Variants in AK7 observed in about 807,000 individuals in gnomAD.
AK7 encodes adenylate kinase 7.
AK7 carries 78 observed loss-of-function variants against 96.6 expected under a neutral mutation model. That is an observed-to-expected ratio of 0.81 (90% CI 0.67 to 0.97). AK7 has a LOEUF of 0.97. Among genes scored for constraint, AK7 ranks in the 50% least tolerant of loss-of-function variants. The probability of loss-of-function intolerance (pLI) is 0.00; values close to 1 mark genes in which losing one functional copy is unlikely to be tolerated. For synonymous variants in AK7, 302 were observed against 317.2 expected (o/e 0.95, Z 0.51); for missense variants, 855 against 887.9 (o/e 0.96, Z 0.47).
At chr14:96,436,709 A>C (rs1892656166) in intron 5 of AK7, among the ~76,000 whole-genome samples, 1 of 152,134 alleles carries the variant, frequency 6.6e-6, no homozygotes, top group African/African-American at 2.4e-5. Context: ...TGTTCGCCTG[A>C]AGAAGTTCAA....
chr14:96,469,967 G>A (rs1894794950), intron 12 of AK7, among the ~76,000 whole-genome samples: 1 of 152,028 alleles, frequency 6.6e-6, no homozygotes, highest in Non-Finnish European at 1.5e-5. Context: ...ACAGGCATGT[G>A]CCACCACGCC....
intron 4 of AK7, among the ~76,000 whole-genome samples, chr14:96,415,755 T>TTAAA (rs1566768484): frequency 4.1e-5 from 6 of 145,384 alleles, no homozygotes; most frequent in South Asian, 2.1e-4. Context: ...AATTAATTAA[T>TTAAA]TTAATACATT....
chr14:96,441,885 G>A (rs902988006), intron 6 of AK7, among the ~76,000 whole-genome samples: 3 of 151,334 alleles, frequency 2.0e-5, no homozygotes, highest in East Asian at 3.9e-4. Context: ...ACCCTATTTC[G>A]CCTGCACACC....
At chr14:96,472,209 GCA>G (rs1334315838) in intron 13 of AK7, among the ~76,000 whole-genome samples, 4 of 152,168 alleles carry the variant, frequency 2.6e-5, no homozygotes, top group African/African-American at 9.7e-5. Flanking sequence ...CCAGGCTGGA[GCA>G]CAGTGATATA....
Position 96,488,541 on chromosome 14 carries a change from A to G in AK7, c.*198A>G, listed in dbSNP as rs1895900276. ...AAAACTATATTTGAAATGTAAATTG[A>G]TAAAGACATTTGTGCATAGCTCATG... On this transcript the variant is annotated 3_prime_UTR_variant, in exon 18 of 18. Coordinates refer to ENST00000267584, the MANE Select transcript of AK7 (RefSeq NM_152327.5). 3.9e-6 allele frequency: 2 copies of G among 510,726 alleles called. No individual in the cohort carries two copies. The highest frequency in any genetic ancestry group is 5.9e-5 in the South Asian group (2 of 33,630). 31.6% of individuals were successfully genotyped at this position (510,726 alleles called of 1,614,324 possible).
intron 5 of AK7, chr14:96,423,837 G>C: frequency 1.3e-6 from 1 of 791,816 alleles, no homozygotes; most frequent in Non-Finnish European, 2.3e-6. Context: ...TCTCCGGAGC[G>C]GTTGCTGAGG....
chr14:96,394,591 T>C (rs1889948365), intron 1 of AK7, among the ~76,000 whole-genome samples: 1 of 152,210 alleles, frequency 6.6e-6, no homozygotes, highest in Non-Finnish European at 1.5e-5. Flanking sequence ...GGCCAGGTCA[T>C]GGATGGCCTT....
chr14:96,425,443 T>C (rs2140052989), intron 5 of AK7, among the ~76,000 whole-genome samples: 1 of 150,994 alleles, frequency 6.6e-6, no homozygotes, highest in Non-Finnish European at 1.5e-5. Flanking sequence ...AATTGCCTGA[T>C]ACCAAAATTG....
chr14:96,428,649 G>A (rs1221788727), intron 5 of AK7, among the ~76,000 whole-genome samples: 2 of 152,192 alleles, frequency 1.3e-5, no homozygotes, highest in East Asian at 3.9e-4. Context: ...TTTAATGATT[G>A]CCATTCTAAC....
chr14:96,425,695 G>A (rs1891989184), intron 5 of AK7, among the ~76,000 whole-genome samples: 1 of 152,072 alleles, frequency 6.6e-6, no homozygotes, highest in Non-Finnish European at 1.5e-5. Flanking sequence ...TGCTGGCCAG[G>A]CTGGTCTTGA....
chr14:96,392,924 C>CCAAATTA (rs1035740017), intron 1 of AK7, among the ~76,000 whole-genome samples: 2 of 152,152 alleles, frequency 1.3e-5, no homozygotes, highest in Non-Finnish European at 2.9e-5. Flanking sequence ...TCTCGGCCTC[C>CCAAATTA]CAAATTACAG....
rs542780138 is a variant in AK7, at chr14:96,429,266, G to A, written c.609+8334G>A. Among the ~76,000 whole-genome samples the A allele has an allele frequency of 2.6e-3, 399 of 152,192 alleles. 4 individuals carry two copies. The highest frequency in any genetic ancestry group is 9.1e-3 in the African/African-American group (380 of 41,540). ...TTCTCAGGTTTGTCAAAGATCAGAT[G>A]GTTGTAGATGTGTGGTGTTATTTCT... On this transcript the variant is annotated intron_variant, in intron 5 of 17. Transcript: ENST00000267584.
rs773853288 is a variant in AK7 at position 96,392,233 on chromosome 14, T to G, written c.79T>G (p.Ser27Ala). ...GAGGGTGTTTATAAACCTGTTGGAT[T>G]CCTACAGCAGCGGAAACATCGGGAA... ...TQRVFINLLD[S>A]YSSGNIGKFL... The change falls in exon 1 of 18, where the codon TCC becomes GCC. Residue 27 changes from serine to alanine, a missense_variant. Coordinates refer to ENST00000267584, the MANE Select transcript of AK7 (RefSeq NM_152327.5). The G allele has an allele frequency of 6.2e-7, 1 of 1,613,298 alleles. No individual in the cohort carries two copies. Among genetic ancestry groups the G allele is most frequent in the Non-Finnish European group, 8.5e-7 (1 of 1,179,340 alleles).
At chr14:96,437,703 C>T (rs752148565) in intron 5 of AK7, 132 bp from the exon 6 acceptor site, 58 of 637,366 alleles carry the variant, frequency 9.1e-5, no homozygotes, top group Middle Eastern at 4.0e-4. Flanking sequence ...ATTTGTATCC[C>T]GAACAATACT....
chr14:96,462,621 A>G (rs537128805), intron 12 of AK7, among the ~76,000 whole-genome samples: 1 of 152,286 alleles, frequency 6.6e-6, no homozygotes, highest in East Asian at 1.9e-4. Flanking sequence ...TTTCAAAAGC[A>G]TTGTGAAATT....
At chr14:96,411,096 A>T (rs975745972) in intron 4 of AK7, among the ~76,000 whole-genome samples, 1 of 152,208 alleles carries the variant, frequency 6.6e-6, no homozygotes, top group Non-Finnish European at 1.5e-5. Flanking sequence ...AACCACCACA[A>T]CAATTAGGAT....
intron 5 of AK7, among the ~76,000 whole-genome samples, chr14:96,436,070 C>A (rs888246447): frequency 6.6e-6 from 1 of 152,056 alleles, no homozygotes; most frequent in South Asian, 2.1e-4. Flanking sequence ...ATTTCCATCC[C>A]GCCATCTTGC....
intron 17 of AK7, 108 bp downstream of exon 17, chr14:96,487,164 C>CTCTAACTCCTGACCACA: frequency 1.7e-6 from 2 of 1,154,068 alleles, no homozygotes; most frequent in Non-Finnish European, 2.5e-6. Context: ...CACTTGTGGT[C>CTCTAACTCCTGACCACA]AGGAGTTAGA....
intron 8 of AK7, among the ~76,000 whole-genome samples, chr14:96,447,943 G>A (rs1337622136): frequency 2.0e-5 from 3 of 151,908 alleles, no homozygotes; most frequent in African/African-American, 7.2e-5. Flanking sequence ...TGGGCAACAT[G>A]GTGAAACCCC....
Sources: allele counts gnomAD v4.1 joint callset (sites outside exome capture counted in the v4.1 genomes callset), GRCh38; gene constraint gnomAD v4.1.1; transcripts MANE v1.5; gene names NCBI Gene and HGNC (gene_info 2026-07-23, HGNC 2026-07-21).